ACADSB: variants seen among roughly 807,000 people sequenced by gnomAD.
ACADSB encodes acyl-CoA dehydrogenase short/branched chain.
ACADSB carries 40 observed loss-of-function variants against 54.1 expected under a neutral mutation model. The observed-to-expected ratio is 0.74, with a 90% confidence interval of 0.57 to 0.96. The LOEUF is 0.96. Ranked by LOEUF, ACADSB falls within the 40% of genes least tolerant of loss-of-function variation. ACADSB has a pLI of 0.00. For missense variants in ACADSB, 530 were observed against 510.4 expected (o/e 1.04, Z -0.37); for synonymous variants, 182 against 182.8 (o/e 1.00, Z 0.03).
In ACADSB at chr10:123,052,038, T is replaced by A. The variant is rs1322198400; in HGVS notation, c.1128+852T>A. Among the ~76,000 whole-genome samples, 3 of 152,210 alleles carry A rather than the reference T, an allele frequency of 2.0e-5. No individual in the cohort carries two copies. The highest frequency in any genetic ancestry group is 2.9e-5 in the Non-Finnish European group (2 of 68,038). On this transcript the variant is annotated intron_variant, in intron 9 of 10. Coordinates refer to ENST00000358776, the MANE Select transcript of ACADSB (RefSeq NM_001609.4). This position sits in a 1 kb window ranked among gnomAD's most constrained non-coding sequence, Gnocchi z 4.2. ...ACCTCACTGCCCTCCTGGTCCCTGG[T>A]GCTTCCTCCCATCCAGCCTCTCTCC...
chr10:123,012,963 C>T (rs1393827803), intron 1 of ACADSB, among the ~76,000 whole-genome samples: 1 of 151,820 alleles, frequency 6.6e-6, no homozygotes, highest in Non-Finnish European at 1.5e-5. Flanking sequence ...CAAAAGTTCT[C>T]CACCTCCCCA....
intron 1 of ACADSB, among the ~76,000 whole-genome samples, chr10:123,011,052 G>A (rs1394689916): frequency 1.3e-5 from 2 of 152,156 alleles, no homozygotes; most frequent in Non-Finnish European, 1.5e-5. Context: ...TGATCCTTTT[G>A]GATTGTTAGG....
At chr10:123,042,231 G>T (rs895576434) in intron 5 of ACADSB, among the ~76,000 whole-genome samples, 5 of 151,952 alleles carry the variant, frequency 3.3e-5, no homozygotes, top group Non-Finnish European at 1.5e-5. Flanking sequence ...CTCCCAAATT[G>T]CTGGGATTAT....
At chr10:123,036,338 C>T (rs780823153) in intron 2 of ACADSB, among the ~76,000 whole-genome samples, 10 of 152,304 alleles carry the variant, frequency 6.6e-5, no homozygotes, top group South Asian at 4.1e-4. Flanking sequence ...CCACCAACCT[C>T]GGCCTCTCAA....
Position 123,043,067 on chromosome 10 carries a change from T to G in ACADSB, c.703T>G (p.Phe235Val). Reference protein sequence around the residue: ...PTIGYKGITSFLVDRDTPGLH... With the variant: ...PTIGYKGITSVLVDRDTPGLH... ...TTAGGGATATAAGGGAATTACCTCC[T>G]TCTTAGTAGATCGTGATACTCCGGG... Residue 235 changes from phenylalanine to valine, a missense_variant, in exon 6 of 11, where the codon TTC becomes GTC. Physicochemically the swap from Phe to Val is conservative, Grantham distance 50. Transcript: ENST00000358776. 1 of 1,613,946 alleles carries G rather than the reference T, an allele frequency of 6.2e-7. No individual in the cohort carries two copies.
intron 1 of ACADSB, among the ~76,000 whole-genome samples, chr10:123,031,248 G>A (rs563263456): frequency 6.6e-6 from 1 of 152,352 alleles, no homozygotes; most frequent in African/African-American, 2.4e-5. Context: ...AAATGAGGAT[G>A]TAATTTTACC....
At chr10:123,037,116 C>T (rs1207671697) in intron 2 of ACADSB, among the ~76,000 whole-genome samples, 4 of 152,164 alleles carry the variant, frequency 2.6e-5, no homozygotes, top group South Asian at 4.1e-4. Context: ...AAGTAGGGGA[C>T]GCTCCTGGCA....
intron 1 of ACADSB, among the ~76,000 whole-genome samples, chr10:123,009,363 T>A (rs1420389431): frequency 6.6e-6 from 1 of 152,160 alleles, no homozygotes; most frequent in African/African-American, 2.4e-5. Context: ...TGCAGGCCGT[T>A]GCGTCCTGAG....
At chr10:123,038,344 A>G (rs150178820) in intron 3 of ACADSB, among the ~76,000 whole-genome samples, 16 of 152,360 alleles carry the variant, frequency 1.1e-4, no homozygotes, top group Non-Finnish European at 2.1e-4. Context: ...CTGAAGCTCT[A>G]TATAAGTGAT....
At position 123,047,314 on chromosome 10, in the gene ACADSB, G is replaced by A. The variant is rs775461353; in HGVS notation, c.990+16G>A. 14 of 1,521,524 alleles carry A rather than the reference G, an allele frequency of 9.2e-6. No homozygotes were observed. The East Asian group carries it at 1.3e-4, about 15-fold the overall frequency. 94.3% of individuals were successfully genotyped at this position (1,521,524 alleles called of 1,614,324 possible). A position where few individuals can be genotyped will look rare whatever the true frequency, so the allele number is the denominator to read the frequency against. On this transcript the variant is annotated intron_variant, in intron 8 of 10. Transcript: ENST00000358776. Reference sequence around the variant, plus strand: ...TGATTTTCAGGTATGTAATTATTAGGGTCTTTCTGCTGTGTTAGACTTCCC... The same window carrying A: ...TGATTTTCAGGTATGTAATTATTAGAGTCTTTCTGCTGTGTTAGACTTCCC...
chr10:123,044,694 A>T (rs887678502), intron 7 of ACADSB, among the ~76,000 whole-genome samples: 2 of 152,212 alleles, frequency 1.3e-5, no homozygotes, highest in African/African-American at 4.8e-5. Flanking sequence ...GCTTGGTGGT[A>T]ACAGTGTTTC....
At chr10:123,013,380 C>T (rs1033135967) in intron 1 of ACADSB, among the ~76,000 whole-genome samples, 19 of 152,256 alleles carry the variant, frequency 1.2e-4, no homozygotes, top group Non-Finnish European at 2.6e-4. Context: ...CTCACAATCC[C>T]TTAGCTAGAC....
At position 123,020,447 on chromosome 10, in the gene ACADSB, C is replaced by A. The variant is rs930975099; in HGVS notation, c.42+11376C>A. On this transcript the variant is annotated intron_variant, in intron 1 of 10. Transcript: ENST00000358776. ...CTCTGGGATTCCAAATGGGTCGCTG[C>A]ACCATGATAGGGATGTACCACAGAT... Among the ~76,000 whole-genome samples the A allele has an allele frequency of 2.6e-5, 4 of 152,214 alleles. No homozygotes were observed. The South Asian group carries it at 8.3e-4, about 31-fold the overall frequency.
rs1850688340 is a variant in ACADSB at position 123,055,094 on chromosome 10, G to A, written c.*1329G>A. 1 of 152,648 alleles carries A rather than the reference G, an allele frequency of 6.6e-6. No individual in the cohort carries two copies. The highest frequency in any genetic ancestry group is 6.5e-5 in the Admixed American group (1 of 15,280). 9.5% of individuals were successfully genotyped at this position (152,648 alleles called of 1,614,324 possible). On this transcript the variant is annotated 3_prime_UTR_variant, in exon 11 of 11. Transcript: ENST00000358776. ...AATGAATCTATTGTTTTGCAATATAGGTTATAAACAGGCAAAATGCAATAA... is the reference window on the plus strand; with the variant it reads ...AATGAATCTATTGTTTTGCAATATAAGTTATAAACAGGCAAAATGCAATAA...
Position 123,027,464 on chromosome 10 carries a change from G to A in ACADSB, c.43-6892G>A, listed in dbSNP as rs1283154061. 1.1e-5 allele frequency: 5 copies of A among 448,740 alleles called. No homozygotes were observed. The Admixed American group carries it at 1.2e-4, about 11-fold the overall frequency. 27.8% of individuals were successfully genotyped at this position (448,740 alleles called of 1,614,324 possible). A position where few individuals can be genotyped will look rare whatever the true frequency, so the allele number is the denominator to read the frequency against. On this transcript the variant is annotated intron_variant, in intron 1 of 10. Coordinates refer to ENST00000358776, the MANE Select transcript of ACADSB (RefSeq NM_001609.4). ...GTGCTATTCTTGTGATAATGAATAA[G>A]TCTCATGAGATCTGATGTGTTTATC...
intron 1 of ACADSB, among the ~76,000 whole-genome samples, chr10:123,020,704 G>A (rs1158769864): frequency 2.6e-5 from 4 of 152,212 alleles, no homozygotes; most frequent in Admixed American, 6.5e-5. Context: ...ATGTATGAGA[G>A]ATCCATTTGC....
rs1850668661 is a variant in ACADSB at position 123,053,878 on chromosome 10, A to G, written c.*113A>G. The G allele has an allele frequency of 2.0e-6, 2 of 990,860 alleles. No homozygotes were observed. The highest frequency in any genetic ancestry group is 3.2e-6 in the Non-Finnish European group (2 of 628,898). 61.4% of individuals were successfully genotyped at this position (990,860 alleles called of 1,614,324 possible). A position where few individuals can be genotyped will look rare whatever the true frequency, so the allele number is the denominator to read the frequency against. ...GAATAAACTTCCACAGCATTCGAAT[A>G]TTTTAATGAAGCCCTTAGTCAGGGT... On this transcript the variant is annotated 3_prime_UTR_variant, in exon 11 of 11. Transcript: ENST00000358776.
chr10:123,047,800 A>G lies in ACADSB; in HGVS notation c.990+502A>G, dbSNP rs1234012605. On this transcript the variant is annotated intron_variant, in intron 8 of 10. Transcript: ENST00000358776. ...TGGTAACACTTGTTATGGGTCCCCT[A>G]TTCAGACCAGAACCATGTGGTAATC... is the stretch of plus-strand genomic sequence containing the variant. Among the ~76,000 whole-genome samples, 3 of 152,260 alleles carry G rather than the reference A, an allele frequency of 2.0e-5. No individual in the cohort carries two copies. The South Asian group carries it at 6.2e-4, about 31-fold the overall frequency.
intron 2 of ACADSB, 109 bp downstream of exon 2, chr10:123,034,624 C>A: frequency 8.3e-7 from 1 of 1,206,896 alleles, no homozygotes; most frequent in Non-Finnish European, 1.2e-6. Flanking sequence ...AGCTATCCTG[C>A]TTCAGCCTCC....
Sources: allele counts gnomAD v4.1 joint callset (sites outside exome capture counted in the v4.1 genomes callset), GRCh38; gene constraint gnomAD v4.1.1; non-coding constraint Gnocchi (gnomAD v3.1); transcripts MANE v1.5; gene names NCBI Gene and HGNC (gene_info 2026-07-23, HGNC 2026-07-21).